Variants in FTO observed in about 807,000 individuals in gnomAD.
The protein encoded by FTO is FTO alpha-ketoglutarate dependent dioxygenase.
FTO carries 47 observed loss-of-function variants against 63.9 expected under a neutral mutation model. That is an observed-to-expected ratio of 0.74 (90% CI 0.58 to 0.94). The LOEUF is 0.94. Ranked by LOEUF, FTO falls within the 40% of genes least tolerant of loss-of-function variation. The pLI, the probability that FTO is intolerant of heterozygous loss-of-function variation, is 0.00. For missense variants in FTO, 562 were observed against 618.1 expected, an observed-to-expected ratio of 0.91 and a Z score of 0.96; for synonymous variants, 207 against 224.4, an observed-to-expected ratio of 0.92 and a Z score of 0.69.
intron 8 of FTO, among the ~76,000 whole-genome samples, chr16:53,947,323 C>T (rs996973386): frequency 6.6e-6 from 1 of 152,176 alleles, no homozygotes; most frequent in Non-Finnish European, 1.5e-5. Context: ...GTATTCATTA[C>T]TTTACAGAAA....
rs879753687 is a variant in FTO, at chr16:53,856,373, G to GTTTTTAA, written c.895+12075_895+12076insTTTTTAA. ...TAAACATCTTTTTTTTTTTTTGGGG[G>GTTTTTAA]GGGATATTTATTTACCAAATAAATA... is the stretch of plus-strand genomic sequence containing the variant. On this transcript the variant is annotated intron_variant, in intron 4 of 8. Coordinates refer to ENST00000471389, the MANE Select transcript of FTO (RefSeq NM_001080432.3). 4.7e-3 allele frequency among the ~76,000 whole-genome samples: 709 copies of GTTTTTAA among 149,574 alleles called. 7 individuals carry two copies. The highest frequency in any genetic ancestry group is 0.015 in the African/African-American group (598 of 40,492).
chr16:54,017,276 T>C (rs1435634538), intron 8 of FTO, among the ~76,000 whole-genome samples: 3 of 152,228 alleles, frequency 2.0e-5, no homozygotes, highest in African/African-American at 7.2e-5. Context: ...AAATGTAGAT[T>C]GAACCAATTA....
Position 53,798,530 on chromosome 16 carries a change from G to C in FTO, c.46-11610G>C, listed in dbSNP as rs1222501131. Among the ~76,000 whole-genome samples the C allele has an allele frequency of 5.9e-5, 9 of 152,088 alleles. No homozygotes were observed. In the South Asian group the frequency reaches 1.9e-3, roughly 32 times the overall value. On this transcript the variant is annotated intron_variant, in intron 1 of 8. Coordinates refer to ENST00000471389, the MANE Select transcript of FTO (RefSeq NM_001080432.3). ...TGAGTACTTTATAATTTTTGTTAAG[G>C]TACATGGTATTTAAAAAAACTTCAA...
intron 8 of FTO, among the ~76,000 whole-genome samples, chr16:53,938,916 T>G: frequency 6.6e-6 from 1 of 150,782 alleles, no homozygotes. Context: ...GGTGAAACCC[T>G]GTCTCTACTA....
intron 8 of FTO, among the ~76,000 whole-genome samples, chr16:54,015,262 T>G (rs2084414297): frequency 6.6e-6 from 1 of 152,186 alleles, no homozygotes; most frequent in African/African-American, 2.4e-5. Context: ...AACAATTGTG[T>G]TTCATGTAAA....
At chr16:53,868,370 A>T (rs1234637880) in intron 4 of FTO, among the ~76,000 whole-genome samples, 1 of 151,876 alleles carries the variant, frequency 6.6e-6, no homozygotes, top group Non-Finnish European at 1.5e-5. Flanking sequence ...TTTACTTTTT[A>T]AGTAGTGACC....
intron 1 of FTO, among the ~76,000 whole-genome samples, chr16:53,809,896 ACAC>A (rs2078475396): frequency 6.6e-6 from 1 of 152,092 alleles, no homozygotes; most frequent in Non-Finnish European, 1.5e-5. Context: ...AGTTGTGATC[ACAC>A]CACTGTATTC....
At chr16:53,809,187 C>T (rs571416894) in intron 1 of FTO, among the ~76,000 whole-genome samples, 70 of 152,196 alleles carry the variant, frequency 4.6e-4, no homozygotes, top group Middle Eastern at 3.4e-3. Context: ...CTTGAAACAG[C>T]CTCAGACAAT....
At chr16:53,706,381 A>G (rs1236149416) in intron 1 of FTO, among the ~76,000 whole-genome samples, 1 of 152,180 alleles carries the variant, frequency 6.6e-6, no homozygotes, top group Non-Finnish European at 1.5e-5. Flanking sequence ...CACAGTTGGC[A>G]TAGCGAACAT....
intron 1 of FTO, among the ~76,000 whole-genome samples, chr16:53,772,368 C>G (rs9922047): frequency 0.58 from 87,537 of 151,822 alleles, 26,043 homozygotes; most frequent in African/African-American, 0.73. Flanking sequence ...CTTCCTTTAG[C>G]TCTCTATTTA....
At chr16:54,111,156 C>G (rs561362034) in intron 8 of FTO, among the ~76,000 whole-genome samples, 1 of 152,170 alleles carries the variant, frequency 6.6e-6, no homozygotes, top group Admixed American at 6.5e-5. Context: ...TAATTTTGTG[C>G]AAGTTTTTCC....
intron 6 of FTO, among the ~76,000 whole-genome samples, chr16:53,881,151 A>AT (rs1555488693): frequency 6.6e-6 from 1 of 150,862 alleles, no homozygotes; most frequent in Admixed American, 6.6e-5. Context: ...ATAAATAAAT[A>AT]AAAATAAAAT....
chr16:53,838,806 T>C (rs2079381603), intron 3 of FTO, among the ~76,000 whole-genome samples: 3 of 151,956 alleles, frequency 2.0e-5, no homozygotes, highest in Admixed American at 2.0e-4. Context: ...GACACTGCAC[T>C]CCAGCCTGGG....
intron 8 of FTO, among the ~76,000 whole-genome samples, chr16:53,989,887 T>A (rs1346955541): frequency 6.6e-6 from 1 of 151,610 alleles, no homozygotes; most frequent in Admixed American, 6.6e-5. Context: ...ACAATGAGGA[T>A]GAAGACCTTT....
chr16:53,855,032 A>ATTTTTTTTTTTT, intron 4 of FTO, among the ~76,000 whole-genome samples: 1 of 149,788 alleles, frequency 6.7e-6, no homozygotes, highest in Non-Finnish European at 1.5e-5. Flanking sequence ...GTACTTTATT[A>ATTTTTTTTTTTT]TTATTATTTT....
At chr16:53,835,150 A>G (rs1331615779) in intron 3 of FTO, among the ~76,000 whole-genome samples, 2 of 152,166 alleles carry the variant, frequency 1.3e-5, no homozygotes, top group African/African-American at 2.4e-5. Context: ...CAGAACCATC[A>G]GATATTCTGT....
chr16:53,754,022 A>T (rs560876158), intron 1 of FTO, among the ~76,000 whole-genome samples: 1 of 152,288 alleles, frequency 6.6e-6, no homozygotes, highest in African/African-American at 2.4e-5. Context: ...ATCGTTAGAG[A>T]ACGGGGTTTG....
chr16:54,073,399 A>C (rs1225461441), intron 8 of FTO, among the ~76,000 whole-genome samples: 1 of 152,150 alleles, frequency 6.6e-6, no homozygotes, highest in Non-Finnish European at 1.5e-5. Flanking sequence ...ACTTTGAAAC[A>C]TCTCTCCTCA....
intron 8 of FTO, among the ~76,000 whole-genome samples, chr16:54,091,119 G>A (rs2086373723): frequency 6.6e-6 from 1 of 152,216 alleles, no homozygotes; most frequent in Non-Finnish European, 1.5e-5. Flanking sequence ...AGTGCTGGAG[G>A]TGTGGTCCGT....
Sources: gnomAD v4.1 joint callset for allele counts (sites outside exome capture counted in the v4.1 genomes callset) on GRCh38, gnomAD v4.1.1 for gene constraint, MANE v1.5 for transcripts, NCBI Gene and HGNC (gene_info 2026-07-23, HGNC 2026-07-21) for gene names.